The following ANKRD24 variants were observed in gnomAD, a reference collection of about 807,000 sequenced individuals.
ANKRD24 encodes the protein ankyrin repeat domain 24, also known as ankyrin repeat domain-containing protein 24.
ANKRD24 carries 109 observed loss-of-function variants against 127.8 expected under a neutral mutation model. The ratio of observed to expected loss-of-function variants is 0.85; its 90% confidence interval spans 0.73 to 1.00. ANKRD24 has a LOEUF of 1.00. Among genes scored for constraint, ANKRD24 ranks in the 50% least tolerant of loss-of-function variants. ANKRD24 has a pLI of 0.00. For synonymous variants in ANKRD24, 743 were observed against 671.1 expected (o/e 1.11, Z -1.66); for missense variants, 1,648 against 1,570.2 (o/e 1.05, Z -0.84).
At chr19:4,208,365 G>A (rs750664964) in intron 10 of ANKRD24, among the ~76,000 whole-genome samples, 3 of 152,226 alleles carry the variant, frequency 2.0e-5, no homozygotes, top group Middle Eastern at 3.4e-3. Flanking sequence ...TTAGCTAGAC[G>A]TGGTTCAAGC....
In ANKRD24 at chr19:4,216,947, T is replaced by C. The variant is rs374324672; in HGVS notation, c.1787T>C (p.Val596Ala). ...ATGAEATGAK[V>A]TETKPTGAEV... ...GGAGCTGAGGCCACAGGAGCCAAGG[T>C]CACAGAAACAAAACCCACAGGGGCT... Residue 596 changes from valine to alanine, a missense_variant, in exon 18 of 22, where the codon GTC becomes GCC. Transcript: ENST00000318934. 4.7e-5 allele frequency: 75 copies of C among 1,608,952 alleles called. No homozygotes were observed. Among genetic ancestry groups the C allele is most frequent in the Middle Eastern group, 1.6e-4 (1 of 6,066 alleles).
chr19:4,224,788 A>G lies in ANKRD24; in HGVS notation c.*283A>G. 4.0e-6 allele frequency: 2 copies of G among 497,490 alleles called. No homozygotes were observed. Among genetic ancestry groups the G allele is most frequent in the Non-Finnish European group, 7.3e-6 (2 of 274,494 alleles). 30.8% of individuals were successfully genotyped at this position (497,490 alleles called of 1,614,324 possible). On this transcript the variant is annotated 3_prime_UTR_variant, in exon 22 of 22. Transcript: ENST00000318934. ...GTCCTCCACATCCAGACGCCAGCCC[A>G]GGAATAAAGGCATTCTGTGCACAGG...
At chr19:4,186,059 T>G (rs1179100449) in intron 1 of ANKRD24, among the ~76,000 whole-genome samples, 1 of 152,154 alleles carries the variant, frequency 6.6e-6, no homozygotes, top group Non-Finnish European at 1.5e-5. Flanking sequence ...TTGATCTGTT[T>G]GGACCGCAGG....
chr19:4,221,760 C>T (rs986689343), intron 19 of ANKRD24, among the ~76,000 whole-genome samples: 1 of 152,132 alleles, frequency 6.6e-6, no homozygotes, highest in Admixed American at 6.6e-5. Flanking sequence ...GGCAAAATTG[C>T]AGTTAGGATG....
intron 19 of ANKRD24, among the ~76,000 whole-genome samples, chr19:4,221,631 C>T (rs940743535): frequency 6.6e-6 from 1 of 152,126 alleles, no homozygotes; most frequent in Non-Finnish European, 1.5e-5. Flanking sequence ...GGACAGGAGA[C>T]GAGACACCCA....
Position 4,202,065 on chromosome 19 carries a change from C to T in ANKRD24, c.383C>T (p.Pro128Leu). The T allele has an allele frequency of 6.2e-7, 1 of 1,613,882 alleles. No individual in the cohort carries two copies. The highest frequency in any genetic ancestry group is 8.5e-7 in the Non-Finnish European group (1 of 1,179,856). ...CACCTGGCCGCCAAATACGGGCACC[C>T]ACAGTGCTTGAAGCAACTACTGCAG... ...ALHLAAKYGH[P>L]QCLKQLLQAS... The change falls in exon 6 of 22, where the codon CCA becomes CTA. Residue 128 changes from proline to leucine, a missense_variant. Coordinates refer to ENST00000318934, the MANE Select transcript of ANKRD24 (RefSeq NM_001393985.1).
chr19:4,191,243 A>G (rs562988399), intron 2 of ANKRD24, among the ~76,000 whole-genome samples: 162 of 152,216 alleles, frequency 1.1e-3, no homozygotes, highest in Non-Finnish European at 1.7e-3. Flanking sequence ...CGCAGCAGGC[A>G]GCCGGAGTCA....
intron 2 of ANKRD24, among the ~76,000 whole-genome samples, chr19:4,189,094 G>A (rs1968229319): frequency 6.6e-6 from 1 of 152,130 alleles, no homozygotes; most frequent in Non-Finnish European, 1.5e-5. Context: ...ACAGGCGTGA[G>A]CCACTGCACT....
rs978123472 is a variant in ANKRD24 at position 4,198,805 on chromosome 19, GA to G, written c.37-874del. 3.9e-5 allele frequency among the ~76,000 whole-genome samples: 6 copies of G among 152,318 alleles called. No individual in the cohort carries two copies. The highest frequency in any genetic ancestry group is 3.4e-3 in the Middle Eastern group (1 of 294). On this transcript the variant is annotated intron_variant, in intron 2 of 21. Transcript: ENST00000318934. This position sits in a 1 kb window ranked among gnomAD's most constrained non-coding sequence, Gnocchi z 6.1. ...AGGGCATTGGGGGGTGCAGTTTTGG[GA>G]AAACATTTTGGAGACAGATGGGGTC...
At position 4,199,805 on chromosome 19, in the gene ANKRD24, C is replaced by A; in HGVS notation, c.123+36C>A. 7 of 1,507,202 alleles carry A rather than the reference C, an allele frequency of 4.6e-6. No individual in the cohort carries two copies. Among genetic ancestry groups the A allele is most frequent in the East Asian group, 2.5e-5 (1 of 40,024 alleles). The allele number at this position is 1,507,202 out of a possible 1,614,324, so 93.4% of individuals were successfully genotyped here. A position where few individuals can be genotyped will look rare whatever the true frequency, so the allele number is the denominator to read the frequency against. ...AGGGGCAGGTGGTGAGAGCCCGGAG[C>A]CCCTGTCGGGGGCGTGGGGAGGGGA... On this transcript the variant is annotated intron_variant, in intron 3 of 21. Coordinates refer to ENST00000318934, the MANE Select transcript of ANKRD24 (RefSeq NM_001393985.1). The surrounding 1 kb of genome is among the most constrained non-coding windows in gnomAD (Gnocchi z 5.2).
Position 4,210,369 on chromosome 19 carries a change from G to T in ANKRD24, c.1056G>T (p.Gln352His). 6.5e-7 allele frequency: 1 copy of T among 1,549,612 alleles called. No homozygotes were observed. Among genetic ancestry groups the T allele is most frequent in the Non-Finnish European group, 8.7e-7 (1 of 1,148,112 alleles). Residue 352 changes from glutamine (Q) to histidine (H), a missense_variant, in exon 13 of 22, where the codon CAG becomes CAT. Physicochemically the swap from Gln to His is conservative, Grantham distance 24 (BLOSUM62 0). Coordinates refer to ENST00000318934, the MANE Select transcript of ANKRD24 (RefSeq NM_001393985.1). ...AACAGCACAAGGAACGGAGGCAGCA[G>T]GAGGTTAGGAGGCCTCGGAGATTTG... ...GLEQHKERRQ[Q>H]ESPEASSLHI... is the part of the protein sequence containing the mutation.
At chr19:4,207,368 A>T in intron 8 of ANKRD24, 56 bp downstream of exon 8, 3 of 1,573,356 alleles carry the variant, frequency 1.9e-6, no homozygotes, top group Non-Finnish European at 1.7e-6. Flanking sequence ...TGCTGCCACC[A>T]AGTGGCAGTA....
rs561529733 is a variant in ANKRD24, at chr19:4,201,323, G to A, written c.344-703G>A. ...TATGGAATAGCTGGGGATTCATGGA[G>A]CATCAGACAGGGACAGAGTTGGCAT... On this transcript the variant is annotated intron_variant, in intron 5 of 21. Coordinates refer to ENST00000318934, the MANE Select transcript of ANKRD24 (RefSeq NM_001393985.1). Among the ~76,000 whole-genome samples the A allele has an allele frequency of 2.1e-3, 327 of 152,278 alleles. 1 individual carries two copies. The highest frequency in any genetic ancestry group is 0.01 in the Middle Eastern group (3 of 294).
At position 4,199,779 on chromosome 19, in the gene ANKRD24, C is replaced by T. The variant is rs1968980559; in HGVS notation, c.123+10C>T. Reference sequence around the variant, plus strand: ...CAGAGGCAGGCGCCAGGCAAGTGCCCAGGGGCAGGTGGTGAGAGCCCGGAG... The same window carrying T: ...CAGAGGCAGGCGCCAGGCAAGTGCCTAGGGGCAGGTGGTGAGAGCCCGGAG... On this transcript the variant is annotated intron_variant, in intron 3 of 21. Coordinates refer to ENST00000318934, the MANE Select transcript of ANKRD24 (RefSeq NM_001393985.1). The surrounding 1 kb of genome is among the most constrained non-coding windows in gnomAD (Gnocchi z 5.2). The T allele has an allele frequency of 6.5e-7, 1 of 1,535,284 alleles. No homozygotes were observed. Among genetic ancestry groups the T allele is most frequent in the East Asian group, 2.5e-5 (1 of 40,738 alleles).
In ANKRD24 at chr19:4,207,784, G is replaced by A. The variant is rs1461477828; in HGVS notation, c.648G>A (p.Thr216=). 4.5e-6 allele frequency: 7 copies of A among 1,571,262 alleles called. 1 individual carries two copies. The highest frequency in any genetic ancestry group is 4.1e-5 in the African/African-American group (3 of 73,658). Residue 216 remains threonine (T), a synonymous_variant, in exon 10 of 22, where the codon ACG becomes ACA. Coordinates refer to ENST00000318934, the MANE Select transcript of ANKRD24 (RefSeq NM_001393985.1). ...AANDQDLQGR[T]ALMLACEGAS... is the part of the protein sequence containing the mutation. ...CAGTAGCCCCCTCCCCTGGTAGGAC[G>A]GCCCTGATGCTGGCCTGTGAGGGGG... is the stretch of plus-strand genomic sequence containing the variant.
At position 4,199,800 on chromosome 19, in the gene ANKRD24, C is replaced by G. The variant is rs759871666; in HGVS notation, c.123+31C>G. The G allele has an allele frequency of 1.3e-5, 20 of 1,515,938 alleles. 1 individual carries two copies. In the South Asian group the frequency reaches 2.3e-4, roughly 17 times the overall value. 93.9% of individuals were successfully genotyped at this position (1,515,938 alleles called of 1,614,324 possible). A position where few individuals can be genotyped will look rare whatever the true frequency, so the allele number is the denominator to read the frequency against. On this transcript the variant is annotated intron_variant, in intron 3 of 21. Transcript: ENST00000318934. This position sits in a 1 kb window ranked among gnomAD's most constrained non-coding sequence, Gnocchi z 5.2. The stretch of plus-strand genomic sequence containing the variant: ...TGCCCAGGGGCAGGTGGTGAGAGCC[C>G]GGAGCCCCTGTCGGGGGCGTGGGGA...
Position 4,195,458 on chromosome 19 carries a change from C to T in ANKRD24, c.37-4225C>T, listed in dbSNP as rs535161171. Among the ~76,000 whole-genome samples the T allele has an allele frequency of 4.6e-5, 7 of 152,264 alleles. No individual in the cohort carries two copies. The highest frequency in any genetic ancestry group is 1.9e-4 in the East Asian group (1 of 5,178). On this transcript the variant is annotated intron_variant, in intron 2 of 21. Transcript: ENST00000318934. The surrounding 1 kb of genome is among the most constrained non-coding windows in gnomAD (Gnocchi z 4.2). Reference sequence around the variant, plus strand: ...AAGCCCTGAGCTGGGAGATCCGTTTCGGTCTCTTCTCTGGAGAAGCTCAGA... The same window carrying T: ...AAGCCCTGAGCTGGGAGATCCGTTTTGGTCTCTTCTCTGGAGAAGCTCAGA...
rs558365435 is a variant in ANKRD24, at chr19:4,220,565, T to C, written c.3171+807T>C. On this transcript the variant is annotated intron_variant, in intron 19 of 21. Transcript: ENST00000318934. ...TTACCTTTTTTTATTGTTGTTTTGTTTTTTTCTGAGGCAGAGTCTTGCTCT... is the reference window on the plus strand; with the variant it reads ...TTACCTTTTTTTATTGTTGTTTTGTCTTTTTCTGAGGCAGAGTCTTGCTCT... Among the ~76,000 whole-genome samples the C allele has an allele frequency of 6.6e-3, 1,001 of 152,258 alleles. 10 individuals carry two copies. The highest frequency in any genetic ancestry group is 0.023 in the African/African-American group (966 of 41,536).
chr19:4,201,123 G>A (rs1028006645), intron 5 of ANKRD24, among the ~76,000 whole-genome samples: 3 of 152,130 alleles, frequency 2.0e-5, no homozygotes, highest in African/African-American at 4.8e-5. Context: ...AGCTCTTGGA[G>A]TAGCTGGGTT....
Sources: gnomAD v4.1 joint callset for allele counts (sites outside exome capture counted in the v4.1 genomes callset) on GRCh38, gnomAD v4.1.1 for gene constraint, Gnocchi (gnomAD v3.1) non-coding constraint, MANE v1.5 for transcripts, NCBI Gene and HGNC (gene_info 2026-07-23, HGNC 2026-07-21) for gene names.